Variants in SSX2IP observed in about 807,000 individuals in gnomAD.
The protein encoded by SSX2IP is afadin- and alpha-actinin-binding protein.
In SSX2IP, 55 loss-of-function variants were observed where a neutral mutation model predicts 84.9. The ratio of observed to expected loss-of-function variants is 0.65; its 90% confidence interval spans 0.52 to 0.81. The LOEUF is 0.81. Ranked by LOEUF, SSX2IP falls within the 30% of genes least tolerant of loss-of-function variation. SSX2IP has a pLI of 0.00. For synonymous variants in SSX2IP, 239 were observed against 234.7 expected (o/e 1.02, Z -0.17); for missense variants, 664 against 705.2 (o/e 0.94, Z 0.66).
rs1283099485 is a variant in SSX2IP at position 84,645,826 on chromosome 1, G to A, written c.*1607C>T. The A allele has an allele frequency of 6.6e-6, 1 of 152,146 alleles. No homozygotes were observed. The highest frequency in any genetic ancestry group is 1.5e-5 in the Non-Finnish European group (1 of 68,028). The allele number at this position is 152,146 out of a possible 1,614,324, so 9.4% of individuals were successfully genotyped here. A position where few individuals can be genotyped will look rare whatever the true frequency, so the allele number is the denominator to read the frequency against. ...GTGTAGTATTTTAAATAGTAAAGAA[G>A]TGACCATGCATCAAGCTGAAGGTAG... On this transcript the variant is annotated 3_prime_UTR_variant, in exon 14 of 14. Transcript: ENST00000342203.
At chr1:84,650,150 C>G in intron 13 of SSX2IP, 1 of 618,874 alleles carries the variant, frequency 1.6e-6, no homozygotes, top group Non-Finnish European at 2.9e-6. Context: ...AAGAAGACAA[C>G]AGATCTACCT....
At chr1:84,648,481 A>G (rs1649764352) in intron 13 of SSX2IP, among the ~76,000 whole-genome samples, 1 of 152,224 alleles carries the variant, frequency 6.6e-6, no homozygotes, top group Non-Finnish European at 1.5e-5. Context: ...ATACATTAAC[A>G]TTTAACTTGC....
At chr1:84,680,967 A>G (rs1312341514) in intron 1 of SSX2IP, among the ~76,000 whole-genome samples, 3 of 152,228 alleles carry the variant, frequency 2.0e-5, no homozygotes, top group Non-Finnish European at 4.4e-5. Context: ...CTGAACCACC[A>G]AAACCAATGG....
rs1477269627 is a variant in SSX2IP at position 84,646,021 on chromosome 1, C to A, written c.*1412G>T. 6.6e-6 allele frequency: 1 copy of A among 152,066 alleles called. No homozygotes were observed. The highest frequency in any genetic ancestry group is 1.5e-5 in the Non-Finnish European group (1 of 67,992). The allele number at this position is 152,066 out of a possible 1,614,324, so 9.4% of individuals were successfully genotyped here. A position where few individuals can be genotyped will look rare whatever the true frequency, so the allele number is the denominator to read the frequency against. ...AGTTACGTATAGTGAATGGACAACA[C>A]AAATAGGTGGGTTTTTTTTGTTTTT... On this transcript the variant is annotated 3_prime_UTR_variant, in exon 14 of 14. Coordinates refer to ENST00000342203, the MANE Select transcript of SSX2IP (RefSeq NM_001166293.2).
intron 10 of SSX2IP, 45 bp downstream of exon 10, chr1:84,656,303 C>T (rs183116917): frequency 1.9e-6 from 3 of 1,587,734 alleles, no homozygotes; most frequent in Admixed American, 3.4e-5. Context: ...CAGCACAATT[C>T]TGGCTTTTCA....
intron 8 of SSX2IP, among the ~76,000 whole-genome samples, chr1:84,659,421 C>G (rs1042489623): frequency 6.6e-6 from 1 of 152,132 alleles, no homozygotes; most frequent in East Asian, 1.9e-4. Flanking sequence ...TACTCAAAAG[C>G]TACTTGCCAG....
At chr1:84,672,477 G>C (rs1288340527) in intron 1 of SSX2IP, among the ~76,000 whole-genome samples, 1 of 151,686 alleles carries the variant, frequency 6.6e-6, no homozygotes, top group East Asian at 1.9e-4. Flanking sequence ...AGAAGGAAAT[G>C]AGTGAGTCTG....
Position 84,644,849 on chromosome 1 carries a change from A to G in SSX2IP, c.*2584T>C, listed in dbSNP as rs1649290293. Reference sequence around the variant, plus strand: ...TTTCAATTATGCCATGTAAGTAAACAATTTGCTGTGAACTGTCCTGTGTAT... The same window carrying G: ...TTTCAATTATGCCATGTAAGTAAACGATTTGCTGTGAACTGTCCTGTGTAT... On this transcript the variant is annotated 3_prime_UTR_variant, in exon 14 of 14. Coordinates refer to ENST00000342203, the MANE Select transcript of SSX2IP (RefSeq NM_001166293.2). The G allele has an allele frequency of 6.6e-6, 1 of 152,254 alleles. No homozygotes were observed. The highest frequency in any genetic ancestry group is 2.1e-4 in the South Asian group (1 of 4,838). The allele number at this position is 152,254 out of a possible 1,614,324, so 9.4% of individuals were successfully genotyped here.
intron 6 of SSX2IP, among the ~76,000 whole-genome samples, chr1:84,664,210 A>G (rs999070743): frequency 5.9e-5 from 9 of 152,208 alleles, no homozygotes; most frequent in African/African-American, 2.2e-4. Flanking sequence ...TAAAAAATAC[A>G]TGCAATTAAA....
intron 3 of SSX2IP, 105 bp from the exon 4 acceptor site, chr1:84,669,998 T>C (rs1653330099): frequency 2.6e-6 from 2 of 759,384 alleles, no homozygotes; most frequent in South Asian, 3.6e-5. Flanking sequence ...AATAGATCTA[T>C]TGTACAACAC....
At chr1:84,678,498 T>C (rs537710962) in intron 1 of SSX2IP, among the ~76,000 whole-genome samples, 3 of 152,344 alleles carry the variant, frequency 2.0e-5, no homozygotes, top group African/African-American at 4.8e-5. Context: ...GTTTGTTTCA[T>C]CTTTCCCAAC....
At chr1:84,681,250 T>C (rs1655042874) in intron 1 of SSX2IP, among the ~76,000 whole-genome samples, 1 of 152,204 alleles carries the variant, frequency 6.6e-6, no homozygotes, top group Admixed American at 6.5e-5. Context: ...GAGGACATTG[T>C]TGAATTGCAG....
intron 11 of SSX2IP, among the ~76,000 whole-genome samples, chr1:84,652,630 T>C (rs923988268): frequency 6.6e-6 from 1 of 151,582 alleles, no homozygotes; most frequent in Non-Finnish European, 1.5e-5. Flanking sequence ...CTCAGGAGGC[T>C]GAGGCAGGAG....
chr1:84,647,730 AT>A, intron 13 of SSX2IP, 123 bp from the exon 14 acceptor site: 1 of 655,590 alleles, frequency 1.5e-6, no homozygotes, highest in Non-Finnish European at 2.2e-6. Flanking sequence ...TAGGCCAAAA[AT>A]ATAATTTAAA....
intron 6 of SSX2IP, 143 bp from the exon 7 acceptor site, chr1:84,662,673 T>G: frequency 1.4e-6 from 1 of 725,648 alleles, no homozygotes; most frequent in South Asian, 2.0e-5. Flanking sequence ...ATTTTCGAGT[T>G]TCTAGTTCCA....
intron 1 of SSX2IP, among the ~76,000 whole-genome samples, chr1:84,673,161 A>G (rs368368671): frequency 8.5e-5 from 13 of 152,358 alleles, no homozygotes; most frequent in Middle Eastern, 6.8e-3. Flanking sequence ...AATAAATACT[A>G]AACAAATGAG....
rs144005838 is a variant in SSX2IP, at chr1:84,687,603, C to T, written c.-90+2768G>A. ...GCTTTTCTGGAGTTTCTGAGGGCTT[C>T]AGCAAAATATACTTCAAGTCTAACT... On this transcript the variant is annotated intron_variant, in intron 1 of 13. Transcript: ENST00000342203. Among the ~76,000 whole-genome samples the T allele has an allele frequency of 2.0e-4, 31 of 152,288 alleles. No homozygotes were observed. In the East Asian group the frequency reaches 6.0e-3, roughly 29 times the overall value.
intron 11 of SSX2IP, chr1:84,655,589 C>T: frequency 6.9e-7 from 1 of 1,449,546 alleles, no homozygotes; most frequent in Non-Finnish European, 9.1e-7. Flanking sequence ...GAAAGCCAAT[C>T]TGAAAGCAGT....
chr1:84,649,954 A>G (rs752153425), intron 13 of SSX2IP: 13 of 556,076 alleles, frequency 2.3e-5, no homozygotes, highest in Non-Finnish European at 3.1e-5. Flanking sequence ...TTGCCCTTCA[A>G]CAACAATAAA....
Sources: allele counts gnomAD v4.1 joint callset (sites outside exome capture counted in the v4.1 genomes callset), GRCh38; gene constraint gnomAD v4.1.1; transcripts MANE v1.5; gene names NCBI Gene and HGNC (gene_info 2026-07-23, HGNC 2026-07-21).